The following TCP11L1 variants were observed in gnomAD, a reference collection of about 807,000 sequenced individuals.
TCP11L1 encodes the protein t-complex 11 like 1.
A neutral mutation model predicts 48.9 loss-of-function variants in TCP11L1; 28 were observed. The observed-to-expected ratio is 0.57, with a 90% CI of 0.42 to 0.78. The LOEUF (loss-of-function observed/expected upper bound fraction) is 0.78. Ranked by LOEUF, TCP11L1 falls within the 30% of genes least tolerant of loss-of-function variation. The pLI, the probability that TCP11L1 is intolerant of heterozygous loss-of-function variation, is 0.00. For synonymous variants in TCP11L1, 204 were observed against 231.9 expected, an observed-to-expected ratio of 0.88 and a Z score of 1.09; for missense variants, 505 against 613.4, an observed-to-expected ratio of 0.82 and a Z score of 1.87.
At chr11:33,051,768 A>T (rs1392941449) in intron 2 of TCP11L1, among the ~76,000 whole-genome samples, 1 of 152,058 alleles carries the variant, frequency 6.6e-6, no homozygotes, top group Admixed American at 6.5e-5. Context: ...TTGACCACCT[A>T]TATATATATG....
intron 1 of TCP11L1, chr11:33,040,496 G>A (rs1026443566): frequency 1.3e-5 from 2 of 152,256 alleles, no homozygotes; most frequent in African/African-American, 4.8e-5. Context: ...CCCAGATACA[G>A]TGACATCACA....
At chr11:33,041,623 C>T (rs376303003) in intron 1 of TCP11L1, among the ~76,000 whole-genome samples, 4 of 151,994 alleles carry the variant, frequency 2.6e-5, no homozygotes, top group South Asian at 2.1e-4. Flanking sequence ...TGGTGGTGGG[C>T]GCCTATAATC....
chr11:33,067,972 G>C (rs935868486), intron 8 of TCP11L1, among the ~76,000 whole-genome samples: 12 of 151,608 alleles, frequency 7.9e-5, no homozygotes, highest in African/African-American at 2.9e-4. Flanking sequence ...TGTTGCCCAG[G>C]CTGGAGTGCA....
chr11:33,056,514 A>G (rs1236047635), intron 3 of TCP11L1: 1 of 154,714 alleles, frequency 6.5e-6, no homozygotes, highest in African/African-American at 2.4e-5. Flanking sequence ...TGATATTTTT[A>G]GGAAATAAAG....
intron 2 of TCP11L1, among the ~76,000 whole-genome samples, chr11:33,051,514 A>G (rs1854161599): frequency 6.6e-6 from 1 of 152,018 alleles, no homozygotes. Context: ...AAAACAAACA[A>G]ACAAACAAAA....
intron 2 of TCP11L1, among the ~76,000 whole-genome samples, chr11:33,052,469 CT>C (rs67627914): frequency 0.37 from 54,963 of 147,896 alleles, 10,148 homozygotes; most frequent in East Asian, 0.44. Flanking sequence ...GATTTGGTTC[CT>C]TTTTTTTTTT....
In TCP11L1 at chr11:33,057,209, A is replaced by G. The variant is rs201663894; in HGVS notation, c.391A>G (p.Ile131Val). ...AGATCCCCCAGCATATGACCATGCTATCAAACTTGTAGGAGAAATCAAAGA... is the reference window on the plus strand; with the variant it reads ...AGATCCCCCAGCATATGACCATGCTGTCAAACTTGTAGGAGAAATCAAAGA... ...SEDPPAYDHAIKLVGEIKETL... is the reference protein window; with the variant it reads ...SEDPPAYDHAVKLVGEIKETL... Residue 131 changes from isoleucine (I) to valine (V), a missense_variant, in exon 4 of 10, where the codon ATC becomes GTC. Physicochemically the swap from Ile to Val is conservative, Grantham distance 29. Coordinates refer to ENST00000334274, the MANE Select transcript of TCP11L1 (RefSeq NM_018393.4). The G allele has an allele frequency of 3.1e-6, 5 of 1,614,124 alleles. No individual in the cohort carries two copies. The highest frequency in any genetic ancestry group is 4.5e-5 in the East Asian group (2 of 44,854).
At chr11:33,053,305 C>T (rs1041526239) in intron 2 of TCP11L1, among the ~76,000 whole-genome samples, 2 of 152,052 alleles carry the variant, frequency 1.3e-5, no homozygotes, top group African/African-American at 2.4e-5. Context: ...CCACCACGCC[C>T]TGCTAATTTT....
chr11:33,058,510 C>T (rs995797793), intron 5 of TCP11L1, among the ~76,000 whole-genome samples: 7 of 146,226 alleles, frequency 4.8e-5, no homozygotes, highest in Admixed American at 2.1e-4. Context: ...GAACTATTTT[C>T]AATTTAAACT....
intron 9 of TCP11L1, among the ~76,000 whole-genome samples, chr11:33,070,662 G>C (rs1349647890): frequency 6.8e-6 from 1 of 146,454 alleles, no homozygotes; most frequent in Non-Finnish European, 1.5e-5. Context: ...TCCAGCCTGG[G>C]CAATAAGAGC....
chr11:33,068,563 C>A, intron 8 of TCP11L1, 124 bp from the exon 9 acceptor site: 1 of 1,240,230 alleles, frequency 8.1e-7, no homozygotes, highest in Non-Finnish European at 1.1e-6. Flanking sequence ...AAAAGAGTCT[C>A]AAATTGTCCC....
chr11:33,054,063 G>A (rs908219885), intron 2 of TCP11L1, among the ~76,000 whole-genome samples: 2 of 152,024 alleles, frequency 1.3e-5, no homozygotes, highest in Admixed American at 6.6e-5. Context: ...ATGATCTCTC[G>A]CCTCGGCCTC....
intron 8 of TCP11L1, 116 bp from the exon 9 acceptor site, chr11:33,068,570 TC>T (rs1854685768): frequency 3.1e-6 from 4 of 1,282,234 alleles, no homozygotes; most frequent in Non-Finnish European, 4.4e-6. Flanking sequence ...TCTCAAATTG[TC>T]CCTTGAACAC....
chr11:33,042,015 AATT>A (rs1477762422), intron 1 of TCP11L1, among the ~76,000 whole-genome samples: 1 of 152,224 alleles, frequency 6.6e-6, no homozygotes, highest in East Asian at 1.9e-4. Context: ...TACAAATGTT[AATT>A]ATTTTCAGCA....
chr11:33,067,883 T>G (rs1854663166), intron 8 of TCP11L1, among the ~76,000 whole-genome samples: 1 of 152,072 alleles, frequency 6.6e-6, no homozygotes, highest in Non-Finnish European at 1.5e-5. Context: ...AGGATTTCAC[T>G]TTTCGTTATT....
At chr11:33,051,471 T>C (rs146920231) in intron 2 of TCP11L1, among the ~76,000 whole-genome samples, 1 of 152,320 alleles carries the variant, frequency 6.6e-6, no homozygotes, top group Non-Finnish European at 1.5e-5. Flanking sequence ...CTTTTACATA[T>C]AGATACTTAA....
Position 33,072,771 on chromosome 11 carries a change from T to C in TCP11L1, c.*95T>C. ...CATTGGAAAATGGCTATATAGTACA[T>C]GTCTATTTAACAGCACCGATTCCAA... is the stretch of plus-strand genomic sequence containing the variant. On this transcript the variant is annotated 3_prime_UTR_variant, in exon 10 of 10. Transcript: ENST00000334274. 2 of 1,375,178 alleles carry C rather than the reference T, an allele frequency of 1.5e-6. No homozygotes were observed. Among genetic ancestry groups the C allele is most frequent in the East Asian group, 2.3e-5 (1 of 43,550 alleles). 85.2% of individuals were successfully genotyped at this position (1,375,178 alleles called of 1,614,324 possible).
At chr11:33,067,596 G>A (rs1197301173) in intron 8 of TCP11L1, among the ~76,000 whole-genome samples, 1 of 152,220 alleles carries the variant, frequency 6.6e-6, no homozygotes. Flanking sequence ...CAAAGCTCCC[G>A]CTGAGGGTGG....
chr11:33,052,329 A>G (rs548402402), intron 2 of TCP11L1, among the ~76,000 whole-genome samples: 1 of 152,312 alleles, frequency 6.6e-6, no homozygotes, highest in East Asian at 1.9e-4. Context: ...AGCCAGATTT[A>G]TTTATTCTGT....
Sources: gnomAD v4.1 joint callset for allele counts (sites outside exome capture counted in the v4.1 genomes callset) on GRCh38, gnomAD v4.1.1 for gene constraint, MANE v1.5 for transcripts, NCBI Gene and HGNC (gene_info 2026-07-23, HGNC 2026-07-21) for gene names.